TAS2R1: variants seen among roughly 807,000 people sequenced by gnomAD.
The protein encoded by TAS2R1 is taste receptor type 2 member 1.
For missense variants in TAS2R1, 370 were observed against 353.4 expected, an observed-to-expected ratio of 1.05 and a Z score of -0.38; for synonymous variants, 141 against 134.2, an observed-to-expected ratio of 1.05 and a Z score of -0.35.
chr5:9,694,290 G>A (rs1476950357), intron 1 of TAS2R1, among the ~76,000 whole-genome samples: 2 of 152,080 alleles, frequency 1.3e-5, no homozygotes, highest in African/African-American at 4.8e-5. Context: ...AAATGTGGAG[G>A]AAGTTAATAA....
chr5:9,841,100 A>G, the TAS2R1 span, among the ~76,000 whole-genome samples: 2 of 152,050 alleles, frequency 1.3e-5, no homozygotes, highest in Non-Finnish European at 2.9e-5. Context: ...CATCATATTC[A>G]TTTAGAAGTC....
the TAS2R1 span, among the ~76,000 whole-genome samples, chr5:9,771,243 G>T: frequency 6.6e-6 from 1 of 150,756 alleles, no homozygotes; most frequent in Admixed American, 6.6e-5. Flanking sequence ...GCCAGATTTT[G>T]GCAAAGTTTT....
upstream of TAS2R1, among the ~76,000 whole-genome samples, chr5:9,635,061 A>G (rs571682196): frequency 1.1e-4 from 16 of 152,218 alleles, 1 homozygote; most frequent in South Asian, 3.3e-3. Context: ...TTTCTCATTC[A>G]ATATAATGTT....
the TAS2R1 span, among the ~76,000 whole-genome samples, chr5:9,774,602 G>A: frequency 6.6e-6 from 1 of 152,230 alleles, no homozygotes; most frequent in Non-Finnish European, 1.5e-5. Flanking sequence ...AGGCACTTGG[G>A]TGTTATGATC....
intron 1 of TAS2R1, among the ~76,000 whole-genome samples, chr5:9,693,701 TC>T (rs976019681): frequency 2.6e-5 from 4 of 151,930 alleles, no homozygotes; most frequent in Non-Finnish European, 1.5e-5. Flanking sequence ...GTATCCCTTG[TC>T]CAGTAATAAT....
chr5:9,832,146 T>G, the TAS2R1 span, among the ~76,000 whole-genome samples: 10 of 152,222 alleles, frequency 6.6e-5, no homozygotes, highest in Non-Finnish European at 1.3e-4. Flanking sequence ...TATAGTTCAG[T>G]AACATGTTAA....
At chr5:9,792,552 G>A in the TAS2R1 span, among the ~76,000 whole-genome samples, 4 of 152,150 alleles carry the variant, frequency 2.6e-5, no homozygotes. Context: ...TTGACAACAC[G>A]ACTTTCATTC....
the TAS2R1 span, among the ~76,000 whole-genome samples, chr5:9,725,613 G>A: frequency 0.16 from 24,334 of 151,706 alleles, 1,962 homozygotes; most frequent in Middle Eastern, 0.28. Context: ...TCCCCCATCC[G>A]CCCCCGTGGG....
the TAS2R1 span, among the ~76,000 whole-genome samples, chr5:9,764,017 T>C: frequency 2.6e-5 from 4 of 152,180 alleles, no homozygotes; most frequent in Non-Finnish European, 4.4e-5. Context: ...GAAGTGAAAA[T>C]TGAAATGACC....
chr5:9,787,938 G>C, the TAS2R1 span, among the ~76,000 whole-genome samples: 1 of 152,216 alleles, frequency 6.6e-6, no homozygotes, highest in Non-Finnish European at 1.5e-5. Context: ...AACAGCGTCT[G>C]AGGGGCAGAT....
In TAS2R1 at chr5:9,673,336, C is replaced by T. The variant is rs557140150; in HGVS notation, c.-241-13755G>A. Among the ~76,000 whole-genome samples the T allele has an allele frequency of 4.6e-5, 7 of 152,222 alleles. No individual in the cohort carries two copies. The South Asian group carries it at 1.5e-3, about 32-fold the overall frequency. On this transcript the variant is annotated intron_variant, in intron 1 of 2. Transcript: ENST00000506620. ...AATAAAATGTTTAGGCTTAAGGGTA[C>T]ATTAATATGATCATAATTTAAATAT...
chr5:9,852,063 C>T, the TAS2R1 span, among the ~76,000 whole-genome samples: 1 of 152,056 alleles, frequency 6.6e-6, no homozygotes. Context: ...TGTGACAGCT[C>T]TGGATGTTTC....
At chr5:9,721,037 G>T in the TAS2R1 span, among the ~76,000 whole-genome samples, 2 of 152,196 alleles carry the variant, frequency 1.3e-5, no homozygotes, top group Non-Finnish European at 2.9e-5. Flanking sequence ...TAAGAACTGC[G>T]AGACGCGAGG....
chr5:9,781,185 C>G, the TAS2R1 span, among the ~76,000 whole-genome samples: 1 of 152,210 alleles, frequency 6.6e-6, no homozygotes, highest in Non-Finnish European at 1.5e-5. Flanking sequence ...AATATCTCCA[C>G]TTGGGTAACA....
the TAS2R1 span, among the ~76,000 whole-genome samples, chr5:9,772,548 T>C: frequency 6.6e-6 from 1 of 151,844 alleles, no homozygotes. Flanking sequence ...TTAAGTCCAA[T>C]GTTTCTTTGT....
At chr5:9,675,538 T>G (rs988964003) in intron 1 of TAS2R1, among the ~76,000 whole-genome samples, 10 of 151,522 alleles carry the variant, frequency 6.6e-5, no homozygotes, top group Admixed American at 2.6e-4. Flanking sequence ...TGCCTCAGCC[T>G]CCTGAGTAGC....
the TAS2R1 span, among the ~76,000 whole-genome samples, chr5:9,770,536 C>G: frequency 3.4e-4 from 51 of 152,194 alleles, no homozygotes; most frequent in Admixed American, 3.3e-3. Flanking sequence ...TTGATTCTTC[C>G]AAACTGTAAA....
the TAS2R1 span, among the ~76,000 whole-genome samples, chr5:9,771,060 A>G: frequency 6.6e-6 from 1 of 152,158 alleles, no homozygotes; most frequent in African/African-American, 2.4e-5. Flanking sequence ...TTGTGTGTTG[A>G]GTTATGTTCT....
the TAS2R1 span, among the ~76,000 whole-genome samples, chr5:9,894,461 C>T: frequency 6.6e-6 from 1 of 152,132 alleles, no homozygotes; most frequent in Non-Finnish European, 1.5e-5. Flanking sequence ...GGGAGACACA[C>T]ACACACACAC....
Sources: allele counts gnomAD v4.1 joint callset (sites outside exome capture counted in the v4.1 genomes callset), GRCh38; gene constraint gnomAD v4.1.1; transcripts MANE v1.5; gene names NCBI Gene and HGNC (gene_info 2026-07-23, HGNC 2026-07-21).